The following CACNB2 variants were observed in gnomAD, a reference collection of about 807,000 sequenced individuals.
CACNB2 encodes the protein calcium voltage-gated channel auxiliary subunit beta 2, also known as voltage-dependent L-type calcium channel subunit beta-2.
In CACNB2, 42 loss-of-function variants were observed where a neutral mutation model predicts 73.3. That is an observed-to-expected ratio of 0.57 (90% confidence interval 0.45 to 0.74). The LOEUF is 0.74. CACNB2 is among the 30% of genes least tolerant of loss of function. CACNB2 has a pLI of 0.00. For synonymous variants in CACNB2, 348 were observed against 310.3 expected (o/e 1.12, Z -1.28); for missense variants, 940 against 853.0 (o/e 1.10, Z -1.27).
chr10:18,373,145 A>T (rs938466790), intron 2 of CACNB2, among the ~76,000 whole-genome samples: 4 of 152,110 alleles, frequency 2.6e-5, no homozygotes, highest in Admixed American at 2.6e-4. Context: ...AGCAGAACTC[A>T]CCTCAGGCTG....
At chr10:18,261,547 A>T (rs948360504) in intron 2 of CACNB2, among the ~76,000 whole-genome samples, 1 of 152,172 alleles carries the variant, frequency 6.6e-6, no homozygotes, top group Non-Finnish European at 1.5e-5. Flanking sequence ...GACTTTGATA[A>T]GGTTGGAAAT....
chr10:18,470,287 G>A (rs1054202750), intron 3 of CACNB2, among the ~76,000 whole-genome samples: 2 of 150,132 alleles, frequency 1.3e-5, no homozygotes, highest in Non-Finnish European at 3.0e-5. Context: ...TGGAGTTTGA[G>A]GTTGGCCTGG....
intron 7 of CACNB2, chr10:18,514,611 A>T: frequency 6.7e-7 from 1 of 1,499,400 alleles, no homozygotes; most frequent in African/African-American, 1.4e-5. Flanking sequence ...ATTAAATACA[A>T]TCATTTCTGT....
At chr10:18,398,780 T>A (rs1416065896) in intron 2 of CACNB2, among the ~76,000 whole-genome samples, 1 of 152,150 alleles carries the variant, frequency 6.6e-6, no homozygotes, top group Non-Finnish European at 1.5e-5. Flanking sequence ...CAGCTCTTTC[T>A]ATGCTTCTAT....
intron 2 of CACNB2, among the ~76,000 whole-genome samples, chr10:18,191,058 A>G (rs1281276171): frequency 1.3e-5 from 2 of 152,232 alleles, no homozygotes; most frequent in Non-Finnish European, 2.9e-5. Context: ...CAGGTGCGGG[A>G]CAATGATGAC....
At chr10:18,229,690 T>C (rs17680760) in intron 2 of CACNB2, among the ~76,000 whole-genome samples, 2,350 of 152,282 alleles carry the variant, frequency 0.015, 46 homozygotes, top group East Asian at 0.11. Context: ...AACACTCTTC[T>C]ATGGTAAACA....
intron 2 of CACNB2, among the ~76,000 whole-genome samples, chr10:18,304,627 A>C (rs774083458): frequency 4.6e-5 from 7 of 152,250 alleles, no homozygotes; most frequent in Non-Finnish European, 7.4e-5. Flanking sequence ...AAGGCAAGGA[A>C]CCAAAGGCAG....
At chr10:18,487,615 ATC>A in intron 3 of CACNB2, among the ~76,000 whole-genome samples, 1 of 152,026 alleles carries the variant, frequency 6.6e-6, no homozygotes, top group Non-Finnish European at 1.5e-5. Context: ...TGGGTGGATC[ATC>A]TGAGGTCAGG....
intron 2 of CACNB2, among the ~76,000 whole-genome samples, chr10:18,200,960 A>T (rs2034851543): frequency 6.6e-6 from 1 of 152,202 alleles, no homozygotes; most frequent in African/African-American, 2.4e-5. Flanking sequence ...CATGACATCT[A>T]TACCAACTCT....
At chr10:18,390,464 G>A (rs2043420139) in intron 2 of CACNB2, among the ~76,000 whole-genome samples, 1 of 152,140 alleles carries the variant, frequency 6.6e-6, no homozygotes, top group Admixed American at 6.5e-5. Context: ...TGCCCACCTT[G>A]GCCTCCCAAA....
chr10:18,422,867 T>C (rs1564531084), intron 3 of CACNB2, among the ~76,000 whole-genome samples: 1 of 152,100 alleles, frequency 6.6e-6, no homozygotes, highest in East Asian at 1.9e-4. Flanking sequence ...CCCAGCTAAT[T>C]TTGTATTTTT....
At chr10:18,311,631 C>G (rs1180612126) in intron 2 of CACNB2, among the ~76,000 whole-genome samples, 1 of 152,198 alleles carries the variant, frequency 6.6e-6, no homozygotes, top group Non-Finnish European at 1.5e-5. Context: ...TATATACTTA[C>G]TATTCATGAA....
intron 2 of CACNB2, among the ~76,000 whole-genome samples, chr10:18,276,693 C>T (rs187004595): frequency 1.3e-5 from 2 of 152,292 alleles, no homozygotes; most frequent in East Asian, 1.9e-4. Context: ...ATTATCCTGC[C>T]GCAGCCTCCC....
At chr10:18,168,014 G>A (rs1434953930) in intron 2 of CACNB2, among the ~76,000 whole-genome samples, 1 of 152,114 alleles carries the variant, frequency 6.6e-6, no homozygotes, top group African/African-American at 2.4e-5. Flanking sequence ...ACTTAGGATA[G>A]AAACCTCTCT....
chr10:18,442,163 T>A (rs1300577702), intron 3 of CACNB2, among the ~76,000 whole-genome samples: 2 of 151,842 alleles, frequency 1.3e-5, no homozygotes, highest in African/African-American at 2.4e-5. Context: ...TTCTTTTTTT[T>A]ATTGAGACGG....
chr10:18,525,684 ATTCT>A (rs1255492510), intron 9 of CACNB2, among the ~76,000 whole-genome samples: 1 of 152,118 alleles, frequency 6.6e-6, no homozygotes, highest in African/African-American at 2.4e-5. Flanking sequence ...TCTGGAATTA[ATTCT>A]TTATTTTCTT....
chr10:18,499,117 C>T (rs1182847952), intron 4 of CACNB2, among the ~76,000 whole-genome samples: 1 of 152,158 alleles, frequency 6.6e-6, no homozygotes, highest in Non-Finnish European at 1.5e-5. Context: ...AAATGCCTGC[C>T]TTGTGGAGCA....
At position 18,213,090 on chromosome 10, in the gene CACNB2, G is replaced by A. The variant is rs144627808; in HGVS notation, c.213+62115G>A. Among the ~76,000 whole-genome samples the A allele has an allele frequency of 5.7e-3, 863 of 152,312 alleles. 9 individuals are homozygous for A. Among genetic ancestry groups the A allele is most frequent in the African/African-American group, 0.019 (796 of 41,584 alleles). ...CCAGCATGCCACTTGTTGGAGAAGT[G>A]TGTTCAAAACTCATTTCTGGTTCGT... is the stretch of plus-strand genomic sequence containing the variant. On this transcript the variant is annotated intron_variant, in intron 2 of 13. Transcript: ENST00000324631.
chr10:18,246,952 T>A (rs182922728), intron 2 of CACNB2, among the ~76,000 whole-genome samples: 3 of 152,268 alleles, frequency 2.0e-5, no homozygotes, highest in East Asian at 1.9e-4. Context: ...AGTAGTTTTT[T>A]AAGCCCTTTT....
Sources: allele counts gnomAD v4.1 joint callset (sites outside exome capture counted in the v4.1 genomes callset), GRCh38; gene constraint gnomAD v4.1.1; transcripts MANE v1.5; gene names NCBI Gene and HGNC (gene_info 2026-07-23, HGNC 2026-07-21).